The following SCHIP1 variants were observed in gnomAD, a reference collection of about 807,000 sequenced individuals.
SCHIP1 encodes schwannomin interacting protein 1, also known as schwannomin-interacting protein 1.
In SCHIP1, 8 loss-of-function variants were observed where a neutral mutation model predicts 29.7. That is an observed-to-expected ratio of 0.27 (90% CI 0.16 to 0.49). The LOEUF is 0.49. SCHIP1 is among the 20% of genes least tolerant of loss of function. The pLI is 0.99. For synonymous variants in SCHIP1, 76 were observed against 94.9 expected (o/e 0.80, Z 1.16); for missense variants, 193 against 294.6 (o/e 0.66, Z 2.52).
the SCHIP1 span, among the ~76,000 whole-genome samples, chr3:159,396,517 T>G: frequency 4.1e-5 from 6 of 147,676 alleles, no homozygotes; most frequent in East Asian, 1.2e-3. Context: ...GCAGGCCTGG[T>G]GGTGACAAAA....
the SCHIP1 span, among the ~76,000 whole-genome samples, chr3:159,357,421 C>T: frequency 1.3e-5 from 2 of 152,160 alleles, no homozygotes; most frequent in Non-Finnish European, 2.9e-5. Context: ...CCTGGGTGCA[C>T]ACACACATGT....
chr3:159,395,701 C>G, the SCHIP1 span, among the ~76,000 whole-genome samples: 104 of 152,100 alleles, frequency 6.8e-4, no homozygotes, highest in African/African-American at 2.3e-3. Context: ...GTTATAATTT[C>G]TGTTCTTTTA....
intron 2 of SCHIP1, among the ~76,000 whole-genome samples, chr3:159,885,177 A>G (rs1319000353): frequency 6.6e-6 from 1 of 152,190 alleles, no homozygotes; most frequent in Non-Finnish European, 1.5e-5. Context: ...ATTTCTTCCT[A>G]TGGCAGTAAT....
chr3:159,624,446 T>C, the SCHIP1 span, among the ~76,000 whole-genome samples: 1 of 152,152 alleles, frequency 6.6e-6, no homozygotes, highest in Non-Finnish European at 1.5e-5. Context: ...TCTCCCAGCA[T>C]GGAGGTGATC....
At chr3:159,576,824 G>T in the SCHIP1 span, among the ~76,000 whole-genome samples, 1 of 152,134 alleles carries the variant, frequency 6.6e-6, no homozygotes, top group African/African-American at 2.4e-5. Flanking sequence ...GGTTTACTAA[G>T]ATAGGCAACT....
chr3:159,381,197 G>A, the SCHIP1 span, among the ~76,000 whole-genome samples: 1 of 152,136 alleles, frequency 6.6e-6, no homozygotes, highest in African/African-American at 2.4e-5. Context: ...AGCAAATTTA[G>A]CTTGAAACAC....
chr3:159,867,970 G>GTGATTTATATATAGATATATAAATCAA (rs1714802509), intron 2 of SCHIP1, among the ~76,000 whole-genome samples: 2 of 143,852 alleles, frequency 1.4e-5, no homozygotes, highest in African/African-American at 2.5e-5. Context: ...TTGAAAATCA[G>GTGATTTATATATAGATATATAAATCAA]TGATTTATAT....
the SCHIP1 span, among the ~76,000 whole-genome samples, chr3:159,280,575 G>A: frequency 2.0e-5 from 3 of 152,108 alleles, no homozygotes; most frequent in Non-Finnish European, 1.5e-5. Context: ...TAACAAGATC[G>A]TGCTTCGAGA....
the SCHIP1 span, chr3:159,274,915 T>C: frequency 3.8e-5 from 34 of 888,768 alleles, no homozygotes; most frequent in East Asian, 4.0e-3. Flanking sequence ...AAACCAGTAG[T>C]AAATGCAATT....
the SCHIP1 span, among the ~76,000 whole-genome samples, chr3:159,341,638 T>C: frequency 6.6e-6 from 1 of 152,094 alleles, no homozygotes; most frequent in African/African-American, 2.4e-5. Context: ...CCCTGAAGGG[T>C]TTGCCACTTT....
At chr3:159,525,864 C>T in the SCHIP1 span, among the ~76,000 whole-genome samples, 1 of 152,180 alleles carries the variant, frequency 6.6e-6, no homozygotes, top group East Asian at 1.9e-4. Context: ...TACACATATT[C>T]ATTCACCATT....
chr3:159,393,855 T>C, the SCHIP1 span, among the ~76,000 whole-genome samples: 2 of 152,150 alleles, frequency 1.3e-5, no homozygotes, highest in Non-Finnish European at 2.9e-5. Context: ...ATGAAGAAAG[T>C]CATTGGTAGC....
At chr3:159,718,586 T>C in the SCHIP1 span, among the ~76,000 whole-genome samples, 1 of 152,010 alleles carries the variant, frequency 6.6e-6, no homozygotes, top group Non-Finnish European at 1.5e-5. Flanking sequence ...TATACACCAA[T>C]AACAGACAAA....
At chr3:159,767,482 G>A in the SCHIP1 span, among the ~76,000 whole-genome samples, 7 of 152,166 alleles carry the variant, frequency 4.6e-5, no homozygotes, top group African/African-American at 1.7e-4. Flanking sequence ...CAAAGGAGCC[G>A]TGTGGAAGAG....
At chr3:159,823,228 G>A in the SCHIP1 span, among the ~76,000 whole-genome samples, 1 of 152,120 alleles carries the variant, frequency 6.6e-6, no homozygotes, top group African/African-American at 2.4e-5. Context: ...TGCTAGTGTG[G>A]GAGGCAAGAG....
chr3:159,764,917 C>A, the SCHIP1 span: 9 of 1,522,506 alleles, frequency 5.9e-6, no homozygotes, highest in Admixed American at 1.1e-4. This position sits in a 1 kb window ranked among gnomAD's most constrained non-coding sequence, Gnocchi z 6.1. Flanking sequence ...GGGCCCCCGC[C>A]GGGCGATCCA....
chr3:159,365,184 A>T, the SCHIP1 span, among the ~76,000 whole-genome samples: 5 of 152,190 alleles, frequency 3.3e-5, no homozygotes, highest in Non-Finnish European at 1.5e-5. Flanking sequence ...CAGTCTTGAC[A>T]GGGATGTCTC....
the SCHIP1 span, among the ~76,000 whole-genome samples, chr3:159,372,799 T>C: frequency 2.6e-5 from 4 of 151,612 alleles, no homozygotes; most frequent in African/African-American, 9.8e-5. Context: ...TGTCTATAAA[T>C]AAAACTTTCT....
At chr3:159,403,249 C>A in the SCHIP1 span, among the ~76,000 whole-genome samples, 1 of 152,074 alleles carries the variant, frequency 6.6e-6, no homozygotes, top group Non-Finnish European at 1.5e-5. Flanking sequence ...ATGGATTTTC[C>A]TGGAGATTTT....
Sources: gnomAD v4.1 joint callset for allele counts (sites outside exome capture counted in the v4.1 genomes callset) on GRCh38, gnomAD v4.1.1 for gene constraint, Gnocchi (gnomAD v3.1) non-coding constraint, MANE v1.5 for transcripts, NCBI Gene and HGNC (gene_info 2026-07-23, HGNC 2026-07-21) for gene names.